ALK: variants seen among roughly 807,000 people sequenced by gnomAD.
ALK encodes ALK receptor tyrosine kinase, also known as ALK tyrosine kinase receptor.
ALK carries 74 observed loss-of-function variants against 163.1 expected under a neutral mutation model. The ratio of observed to expected loss-of-function variants is 0.45; its 90% confidence interval spans 0.38 to 0.55. ALK has a LOEUF of 0.55. ALK is among the 20% of genes least tolerant of loss of function. The pLI is 0.00. For missense variants in ALK, 2,063 were observed against 2,105.3 expected (o/e 0.98, Z 0.39); for synonymous variants, 960 against 843.2 (o/e 1.14, Z -2.40).
intron 8 of ALK, among the ~76,000 whole-genome samples, chr2:29,311,761 A>G (rs1558664783): frequency 6.6e-6 from 1 of 152,048 alleles, no homozygotes; most frequent in African/African-American, 2.4e-5. Flanking sequence ...GCCTTCTCTC[A>G]TTTATAAAAA....
intron 4 of ALK, among the ~76,000 whole-genome samples, chr2:29,519,583 C>T (rs1384051893): frequency 6.6e-6 from 1 of 152,228 alleles, no homozygotes; most frequent in Non-Finnish European, 1.5e-5. Flanking sequence ...GCTGCCACCA[C>T]CTCCTGGAAC....
intron 12 of ALK, among the ~76,000 whole-genome samples, chr2:29,248,721 G>A (rs909712221): frequency 1.3e-5 from 2 of 152,214 alleles, no homozygotes; most frequent in East Asian, 1.9e-4. Context: ...TGGAAATAAT[G>A]TGGCACTTCA....
At chr2:29,219,770 A>T (rs1669752271) in intron 23 of ALK, among the ~76,000 whole-genome samples, 1 of 152,214 alleles carries the variant, frequency 6.6e-6, no homozygotes, top group African/African-American at 2.4e-5. Context: ...AAGGTTTAAG[A>T]CTGCCCTAAA....
Position 29,500,176 on chromosome 2 carries a change from C to A in ALK, c.1154+31739G>T, listed in dbSNP as rs368043082. On this transcript the variant is annotated intron_variant, in intron 4 of 28. Coordinates refer to ENST00000389048, the MANE Select transcript of ALK (RefSeq NM_004304.5). Reference sequence around the variant, plus strand: ...CAAATCTCATGTGGAATTGTAATACCCAGTGTTGGAGGTGGGACCTGGTGG... The same window carrying A: ...CAAATCTCATGTGGAATTGTAATACACAGTGTTGGAGGTGGGACCTGGTGG... 2.2e-4 allele frequency among the ~76,000 whole-genome samples: 33 copies of A among 152,206 alleles called. 1 individual carries two copies. Among genetic ancestry groups the A allele is most frequent in the African/African-American group, 7.9e-4 (33 of 41,534 alleles).
chr2:29,402,746 C>T (rs909519861), intron 4 of ALK, among the ~76,000 whole-genome samples: 23 of 152,228 alleles, frequency 1.5e-4, no homozygotes, highest in African/African-American at 5.3e-4. Context: ...CTGGCAGGTG[C>T]AGGGAATCCT....
intron 12 of ALK, among the ~76,000 whole-genome samples, chr2:29,250,382 A>G (rs1217695602): frequency 1.3e-5 from 2 of 152,188 alleles, no homozygotes; most frequent in Admixed American, 6.5e-5. Flanking sequence ...TAAGTCCAAG[A>G]CTTGATCGAG....
At chr2:29,839,086 A>G (rs1312817737) in intron 1 of ALK, among the ~76,000 whole-genome samples, 1 of 152,162 alleles carries the variant, frequency 6.6e-6, no homozygotes, top group East Asian at 1.9e-4. Context: ...AATTATTTAT[A>G]TATTCTGAAG....
At chr2:29,777,882 T>C (rs540870698) in intron 1 of ALK, among the ~76,000 whole-genome samples, 2 of 152,314 alleles carry the variant, frequency 1.3e-5, no homozygotes, top group Admixed American at 1.3e-4. Context: ...CAGCCAGAAG[T>C]TCCCAGATCA....
chr2:29,314,990 C>T (rs190761456), intron 8 of ALK, among the ~76,000 whole-genome samples: 10 of 152,250 alleles, frequency 6.6e-5, no homozygotes, highest in Non-Finnish European at 1.2e-4. Context: ...AGCCTTCCCT[C>T]CCCGGTGGCA....
intron 5 of ALK, among the ~76,000 whole-genome samples, chr2:29,366,717 C>G (rs1668517652): frequency 1.3e-5 from 2 of 152,132 alleles, no homozygotes; most frequent in South Asian, 4.1e-4. Flanking sequence ...TTTACTTACA[C>G]TTCAGAGGAA....
chr2:29,507,638 T>G (rs1222933999), intron 4 of ALK, among the ~76,000 whole-genome samples: 3 of 152,120 alleles, frequency 2.0e-5, no homozygotes, highest in Non-Finnish European at 4.4e-5. Context: ...TGACTAAAAT[T>G]AACATTTCTA....
At chr2:29,564,646 CAT>C (rs1172349390) in intron 3 of ALK, among the ~76,000 whole-genome samples, 1 of 152,168 alleles carries the variant, frequency 6.6e-6, no homozygotes, top group African/African-American at 2.4e-5. Context: ...AAAAGGCACT[CAT>C]ATTTGCAGAG....
intron 4 of ALK, among the ~76,000 whole-genome samples, chr2:29,436,162 G>A (rs1469887169): frequency 6.6e-6 from 1 of 152,146 alleles, no homozygotes; most frequent in South Asian, 2.1e-4. Flanking sequence ...GAAACAAAGA[G>A]TCTCTACTAC....
At chr2:29,526,017 T>C (rs1001434277) in intron 4 of ALK, among the ~76,000 whole-genome samples, 1 of 152,128 alleles carries the variant, frequency 6.6e-6, no homozygotes, top group Non-Finnish European at 1.5e-5. Flanking sequence ...TACTTTGGGA[T>C]CTATCTTGGA....
intron 1 of ALK, among the ~76,000 whole-genome samples, chr2:29,832,303 C>T (rs1572418883): frequency 6.6e-6 from 1 of 152,274 alleles, no homozygotes; most frequent in East Asian, 1.9e-4. Flanking sequence ...GGGGTCCCAT[C>T]ACATAGGTCG....
chr2:29,515,259 G>T (rs1419628331), intron 4 of ALK, among the ~76,000 whole-genome samples: 1 of 152,138 alleles, frequency 6.6e-6, no homozygotes, highest in African/African-American at 2.4e-5. Flanking sequence ...AAGAGCTCCT[G>T]CAAGCCTGTA....
At chr2:29,399,947 A>T (rs1353302087) in intron 4 of ALK, among the ~76,000 whole-genome samples, 1 of 152,200 alleles carries the variant, frequency 6.6e-6, no homozygotes, top group Non-Finnish European at 1.5e-5. Flanking sequence ...AGACACAGAC[A>T]CTAGGATCCT....
intron 4 of ALK, among the ~76,000 whole-genome samples, chr2:29,426,457 C>G (rs1670137212): frequency 6.6e-6 from 1 of 152,156 alleles, no homozygotes; most frequent in Non-Finnish European, 1.5e-5. Context: ...AGATTAATAG[C>G]TGCCTTCTCA....
At chr2:29,489,484 G>A (rs1671851645) in intron 4 of ALK, among the ~76,000 whole-genome samples, 1 of 152,024 alleles carries the variant, frequency 6.6e-6, no homozygotes, top group Non-Finnish European at 1.5e-5. Flanking sequence ...TTTTTCTGTA[G>A]AGCCAGCATC....
Sources: allele counts gnomAD v4.1 joint callset (sites outside exome capture counted in the v4.1 genomes callset), GRCh38; gene constraint gnomAD v4.1.1; transcripts MANE v1.5; gene names NCBI Gene and HGNC (gene_info 2026-07-23, HGNC 2026-07-21).